Variants in GIGYF2 observed in about 807,000 individuals in gnomAD.
The protein encoded by GIGYF2 is GRB10 interacting GYF protein 2.
In GIGYF2, 25 loss-of-function variants were observed where a neutral mutation model predicts 208.1. The observed-to-expected ratio is 0.12, with a 90% confidence interval of 0.09 to 0.17. The LOEUF is 0.17. GIGYF2 is among the 10% of genes least tolerant of loss of function. The pLI is 1.00. For missense variants in GIGYF2, 1,302 were observed against 1,579.4 expected (o/e 0.82, Z 2.98); for synonymous variants, 534 against 543.8 (o/e 0.98, Z 0.25).
chr2:232,791,421 A>G lies in GIGYF2; in HGVS notation c.1257A>G (p.Pro419=), dbSNP rs1322884308. ...AGACTCGGATGGAAAATAGTCTACC[A>G]GCCAAAGTGCCCAGCAGAGGGGATG... ...EEETRMENSL[P]AKVPSRGDEM... is the part of the protein sequence containing the mutation. Residue 419 remains proline (P), a synonymous_variant, in exon 12 of 29, where the codon CCA becomes CCG. Coordinates refer to ENST00000373563, the MANE Select transcript of GIGYF2 (RefSeq NM_001103146.3). 6.2e-7 allele frequency: 1 copy of G among 1,614,000 alleles called. No individual in the cohort carries two copies. The highest frequency in any genetic ancestry group is 8.5e-7 in the Non-Finnish European group (1 of 1,179,948).
chr2:232,764,548 G>A (rs915973989), intron 8 of GIGYF2: 1 of 152,370 alleles, frequency 6.6e-6, no homozygotes, highest in African/African-American at 2.4e-5. Context: ...AGGGCAGAGT[G>A]GGGAGGAGGG....
chr2:232,806,528 G>A lies in GIGYF2; in HGVS notation c.1677G>A (p.Gln559=), dbSNP rs1341597204. The A allele has an allele frequency of 1.2e-6, 2 of 1,610,862 alleles. No homozygotes were observed. Among genetic ancestry groups the A allele is most frequent in the Admixed American group, 1.7e-5 (1 of 60,012 alleles). The change falls in exon 15 of 29, where the codon CAG becomes CAA. Residue 559 remains glutamine (Q), a synonymous_variant. Transcript: ENST00000373563. This position sits in a 1 kb window ranked among gnomAD's most constrained non-coding sequence, Gnocchi z 4.0. ...ATCAGGAGATGGCAGAATGGTTTCA[G>A]GCGGGCTATTTTACTATGTCTTTAT... ...FNNQEMAEWF[Q]AGYFTMSLLV...
chr2:232,811,546 C>T (rs1457073931), intron 17 of GIGYF2, among the ~76,000 whole-genome samples, 195 bp downstream of exon 17: 1 of 152,102 alleles, frequency 6.6e-6, no homozygotes, highest in Non-Finnish European at 1.5e-5. Context: ...GTCTTTTACT[C>T]ATAGATATAA....
At chr2:232,714,176 C>G (rs1051870425) in intron 2 of GIGYF2, among the ~76,000 whole-genome samples, 1 of 152,120 alleles carries the variant, frequency 6.6e-6, no homozygotes, top group African/African-American at 2.4e-5. Flanking sequence ...TGGTTTCGAT[C>G]TCCTGACCTC....
chr2:232,783,401 G>A (rs1279477837), intron 8 of GIGYF2, among the ~76,000 whole-genome samples: 3 of 151,738 alleles, frequency 2.0e-5, no homozygotes, highest in East Asian at 1.9e-4. Context: ...TAATTATTTT[G>A]TTTTTTATTT....
chr2:232,697,733 G>A (rs1449825859), intron 1 of GIGYF2, among the ~76,000 whole-genome samples: 1 of 152,250 alleles, frequency 6.6e-6, no homozygotes, highest in Non-Finnish European at 1.5e-5. Context: ...GGGGTGGGCA[G>A]TGTCAGGCCG....
intron 25 of GIGYF2, among the ~76,000 whole-genome samples, chr2:232,845,236 G>T (rs1257699933): frequency 6.6e-6 from 1 of 152,158 alleles, no homozygotes; most frequent in Non-Finnish European, 1.5e-5. Context: ...GTAAGTGCCT[G>T]GCACATAGTA....
At chr2:232,744,646 C>T (rs1264054250) in intron 3 of GIGYF2, among the ~76,000 whole-genome samples, 42 of 151,866 alleles carry the variant, frequency 2.8e-4, no homozygotes, top group Admixed American at 2.7e-3. Flanking sequence ...GTCCTCCCAC[C>T]TCAGCCTCCT....
intron 3 of GIGYF2, among the ~76,000 whole-genome samples, chr2:232,743,791 C>T (rs1404870928): frequency 6.6e-6 from 1 of 152,182 alleles, no homozygotes; most frequent in Non-Finnish European, 1.5e-5. Context: ...CAGTTTGCCT[C>T]AGTTTCTTTT....
At chr2:232,833,747 A>C (rs62193335) in intron 22 of GIGYF2, among the ~76,000 whole-genome samples, 21,835 of 152,274 alleles carry the variant, frequency 0.14, 2,117 homozygotes, top group Non-Finnish European at 0.22. Context: ...TTAAAAATAT[A>C]GGCATGTAAA....
Position 232,826,726 on chromosome 2 carries a change from G to C in GIGYF2, c.2530-6131G>C, listed in dbSNP as rs1290840546. Among the ~76,000 whole-genome samples the C allele has an allele frequency of 2.6e-5, 4 of 152,202 alleles. No individual in the cohort carries two copies. The East Asian group carries it at 7.7e-4, about 29-fold the overall frequency. On this transcript the variant is annotated intron_variant, in intron 21 of 28. Transcript: ENST00000373563. ...CCATCAAAAAGTGGGCAAAGGATAT[G>C]ATTGACTCCAATTTTGAAAGAAGTT... is the stretch of plus-strand genomic sequence containing the variant.
intron 2 of GIGYF2, chr2:232,734,434 C>T (rs1697643134): frequency 1.3e-5 from 2 of 152,264 alleles, no homozygotes; most frequent in Non-Finnish European, 2.9e-5. Flanking sequence ...GTCTCCACCT[C>T]CTGGGCTCCA....
intron 2 of GIGYF2, among the ~76,000 whole-genome samples, chr2:232,719,518 C>T (rs924532251): frequency 6.6e-6 from 1 of 152,014 alleles, no homozygotes; most frequent in Non-Finnish European, 1.5e-5. Context: ...ATAAGAAGGA[C>T]CTAGGTTGAT....
intron 3 of GIGYF2, 21 bp from the exon 4 acceptor site, chr2:232,747,594 T>A (rs770221704): frequency 1.9e-6 from 3 of 1,613,670 alleles, no homozygotes; most frequent in Non-Finnish European, 2.5e-6. Context: ...TTTGACATAT[T>A]CTCTGTCTTT....
chr2:232,797,489 TTGTGTGTGTG>T (rs67221198), intron 14 of GIGYF2, among the ~76,000 whole-genome samples: 70 of 145,080 alleles, frequency 4.8e-4, no homozygotes, highest in South Asian at 4.7e-3. Flanking sequence ...AGAGCAGGGC[TTGTGTGTGTG>T]TGTGTGTGTG....
intron 2 of GIGYF2, among the ~76,000 whole-genome samples, chr2:232,725,177 C>A (rs1697139877): frequency 6.6e-6 from 1 of 152,158 alleles, no homozygotes; most frequent in Non-Finnish European, 1.5e-5. Flanking sequence ...TATCCTCAGT[C>A]ATCTTTCTAA....
At chr2:232,742,960 G>T (rs948894086) in intron 3 of GIGYF2, among the ~76,000 whole-genome samples, 3 of 152,180 alleles carry the variant, frequency 2.0e-5, no homozygotes, top group Non-Finnish European at 2.9e-5. Flanking sequence ...CTGGACTTGA[G>T]AATCACAAGC....
chr2:232,791,567 A>G lies in GIGYF2; in HGVS notation c.1282+121A>G, dbSNP rs116370863. The G allele has an allele frequency of 7.3e-4, 616 of 838,528 alleles. No homozygotes were observed. The African/African-American group carries it at 9.4e-3, about 13-fold the overall frequency. The allele number at this position is 838,528 out of a possible 1,614,324, so 51.9% of individuals were successfully genotyped here. ...CTTTTAGTGGGTGAATTATCGGAAT[A>G]GATTATTTTACCAGTAAACCCAGTC... is the stretch of plus-strand genomic sequence containing the variant. On this transcript the variant is annotated intron_variant, in intron 12 of 28. Coordinates refer to ENST00000373563, the MANE Select transcript of GIGYF2 (RefSeq NM_001103146.3).
At chr2:232,854,498 A>G (rs1001949587) in intron 28 of GIGYF2, among the ~76,000 whole-genome samples, 2 of 152,130 alleles carry the variant, frequency 1.3e-5, no homozygotes, top group African/African-American at 2.4e-5. Flanking sequence ...GTCTTTAAAA[A>G]TACATATATA....
Sources: allele counts gnomAD v4.1 joint callset (sites outside exome capture counted in the v4.1 genomes callset), GRCh38; gene constraint gnomAD v4.1.1; non-coding constraint Gnocchi (gnomAD v3.1); transcripts MANE v1.5; gene names NCBI Gene and HGNC (gene_info 2026-07-23, HGNC 2026-07-21).